PPP1R15A: variants seen among roughly 807,000 people sequenced by gnomAD.
PPP1R15A encodes the protein protein phosphatase 1 regulatory subunit 15A, also known as growth arrest and DNA damage-inducible protein GADD34.
A neutral mutation model predicts 48.5 loss-of-function variants in PPP1R15A; 43 were observed. That is an observed-to-expected ratio of 0.89 (90% CI 0.69 to 1.14). PPP1R15A has a LOEUF of 1.14. PPP1R15A is among the 50% of genes most tolerant of loss of function. The probability of loss-of-function intolerance (pLI) is 0.00; values close to 1 mark genes in which losing one functional copy is unlikely to be tolerated. For missense variants in PPP1R15A, 868 were observed against 847.2 expected (o/e 1.02, Z -0.30); for synonymous variants, 327 against 327.4 (o/e 1.00, Z 0.01).
chr19:48,873,411 C>T lies in PPP1R15A; in HGVS notation c.178C>T (p.Leu60=). Residue 60 remains leucine (L), a synonymous_variant, in exon 2 of 3, where the codon CTG becomes TTG. Transcript: ENST00000200453. ...AGGAGCAGCTCTGGTAGAAGCTGGC[C>T]TGGAGGGAGAAGCTAGGACTCCTCT... is the stretch of plus-strand genomic sequence containing the variant. ...VKGAALVEAG[L]EGEARTPLAI... The T allele has an allele frequency of 6.2e-7, 1 of 1,613,392 alleles. No individual in the cohort carries two copies. The highest frequency in any genetic ancestry group is 8.5e-7 in the Non-Finnish European group (1 of 1,179,670).
In PPP1R15A at chr19:48,873,562, T is replaced by G. The variant is rs1341140423; in HGVS notation, c.329T>G (p.Leu110Arg). 6.2e-7 allele frequency: 1 copy of G among 1,614,146 alleles called. No individual in the cohort carries two copies. Among genetic ancestry groups the G allele is most frequent in the Non-Finnish European group, 8.5e-7 (1 of 1,180,018 alleles). The change falls in exon 2 of 3, where the codon CTT (leucine) becomes CGT (arginine). Residue 110 changes from leucine to arginine, a missense_variant. Leu to Arg is a moderately radical substitution (Grantham distance 102). Coordinates refer to ENST00000200453, the MANE Select transcript of PPP1R15A (RefSeq NM_014330.5). ...TSSSLPEAWG[L>R]LDDDDGMYGE... ...AGTTCCCTTCCTGAAGCCTGGGGAC[T>G]TTTGGATGATGATGATGGCATGTAT...
In PPP1R15A at chr19:48,872,582, G is replaced by T; in HGVS notation, c.-79G>T. ...AACGCGCTGGCCTCCCTAACCGTCC[G>T]GACCTGTGATCGCTTCTGGCAGACC... is the stretch of plus-strand genomic sequence containing the variant. On this transcript the variant is annotated 5_prime_UTR_variant, in exon 1 of 3. Transcript: ENST00000200453. 1 of 442,036 alleles carries T rather than the reference G, an allele frequency of 2.3e-6. No homozygotes were observed. The highest frequency in any genetic ancestry group is 4.6e-6 in the Non-Finnish European group (1 of 216,540). The allele number at this position is 442,036 out of a possible 1,614,324, so 27.4% of individuals were successfully genotyped here.
rs374662559 is a variant in PPP1R15A at position 48,874,086 on chromosome 19, G to A, written c.853G>A (p.Ala285Thr). Residue 285 changes from alanine (A) to threonine (T), a missense_variant, in exon 2 of 3, where the codon GCC (alanine) becomes ACC (threonine). Ala to Thr is a moderately conservative substitution (Grantham distance 58). Transcript: ENST00000200453. ...AHKETGKGEA[A>T]PGPQSSAPAQ... Reference sequence around the variant, plus strand: ...CAAAGAAACTGGGAAAGGAGAAGCTGCCCCAGGGCCGCAATCCTCAGCCCC... The same window carrying A: ...CAAAGAAACTGGGAAAGGAGAAGCTACCCCAGGGCCGCAATCCTCAGCCCC... 3.1e-6 allele frequency: 5 copies of A among 1,614,182 alleles called. No homozygotes were observed. The highest frequency in any genetic ancestry group is 4.2e-6 in the Non-Finnish European group (5 of 1,180,024).
In PPP1R15A at chr19:48,874,904, T is replaced by C. The variant is rs536831168; in HGVS notation, c.1665+6T>C. 3.9e-6 allele frequency: 6 copies of C among 1,528,854 alleles called. No homozygotes were observed. The highest frequency in any genetic ancestry group is 5.2e-6 in the Non-Finnish European group (6 of 1,145,914). 94.7% of individuals were successfully genotyped at this position (1,528,854 alleles called of 1,614,324 possible). On this transcript the variant is annotated splice_donor_region_variant and intron_variant, in intron 2 of 2. Coordinates refer to ENST00000200453, the MANE Select transcript of PPP1R15A (RefSeq NM_014330.5). Reference sequence around the variant, plus strand: ...CTCCCCTAAAGGCCAGAAAGGTAGGTGCTGAGAGCCCAGATTCTATTTTTT... The same window carrying C: ...CTCCCCTAAAGGCCAGAAAGGTAGGCGCTGAGAGCCCAGATTCTATTTTTT...
Position 48,873,401 on chromosome 19 carries a change from A to G in PPP1R15A, c.168A>G (p.Val56=). 6.2e-7 allele frequency: 1 copy of G among 1,613,786 alleles called. No individual in the cohort carries two copies. The highest frequency in any genetic ancestry group is 8.5e-7 in the Non-Finnish European group (1 of 1,179,870). ...LVEAVKGAAL[V]EAGLEGEART... ...AAGCAGTAAAAGGAGCAGCTCTGGT[A>G]GAAGCTGGCCTGGAGGGAGAAGCTA... Residue 56 remains valine, a synonymous_variant, in exon 2 of 3, where the codon GTA becomes GTG. Coordinates refer to ENST00000200453, the MANE Select transcript of PPP1R15A (RefSeq NM_014330.5).
intron 2 of PPP1R15A, chr19:48,875,261 A>G (rs2037067398): frequency 9.0e-6 from 3 of 335,050 alleles, no homozygotes. Context: ...CTTAGAAAGA[A>G]AGGGGGCTGG....
At position 48,874,961 on chromosome 19, in the gene PPP1R15A, TG is replaced by T; in HGVS notation, c.1665+64del. ...TTTTAATTGAGTTGGAGTCTTGGGC[TG>T]TCACCCAGGCTGGAGTGCAGCGGCA... On this transcript the variant is annotated intron_variant, in intron 2 of 2. Coordinates refer to ENST00000200453, the MANE Select transcript of PPP1R15A (RefSeq NM_014330.5). 4.9e-6 allele frequency: 7 copies of T among 1,435,462 alleles called. No homozygotes were observed. In the Middle Eastern group the frequency reaches 1.2e-3, roughly 242 times the overall value. 88.9% of individuals were successfully genotyped at this position (1,435,462 alleles called of 1,614,324 possible). A position where few individuals can be genotyped will look rare whatever the true frequency, so the allele number is the denominator to read the frequency against.
intron 2 of PPP1R15A, chr19:48,875,283 TCTGGGTCC>T (rs1187119904): frequency 1.4e-5 from 5 of 366,562 alleles, no homozygotes; most frequent in Middle Eastern, 7.3e-4. Context: ...GGCCGAGACT[TCTGGGTCC>T]CTGTATGTTG....
At position 48,874,608 on chromosome 19, in the gene PPP1R15A, G is replaced by C; in HGVS notation, c.1375G>C (p.Ala459Pro). Residue 459 changes from alanine to proline, a missense_variant, in exon 2 of 3, where the codon GCA (alanine) becomes CCA (proline). By Grantham distance (27) the Ala-to-Pro change is conservative (BLOSUM62 -1). Transcript: ENST00000200453. Reference protein sequence around the residue: ...DSEDKEDDSEAALGEAESDPH... With the variant: ...DSEDKEDDSEPALGEAESDPH... ...TGAGGATAAGGAAGATGATTCAGAA[G>C]CAGCCTTGGGAGAAGCTGAGTCAGA... 1 of 1,614,214 alleles carries C rather than the reference G, an allele frequency of 6.2e-7. No individual in the cohort carries two copies. Among genetic ancestry groups the C allele is most frequent in the Non-Finnish European group, 8.5e-7 (1 of 1,180,022 alleles).
Position 48,874,786 on chromosome 19 carries a change from C to T in PPP1R15A, c.1553C>T (p.Pro518Leu), listed in dbSNP as rs1263480363. Residue 518 changes from proline to leucine, a missense_variant, in exon 2 of 3, where the codon CCA (proline) becomes CTA (leucine). Pro to Leu is a moderately conservative substitution (Grantham distance 98). Coordinates refer to ENST00000200453, the MANE Select transcript of PPP1R15A (RefSeq NM_014330.5). ...RVAIYVPGEK[P>L]PPPWAPPRLP... The stretch of plus-strand genomic sequence containing the variant: ...GCCATCTATGTACCTGGAGAGAAGC[C>T]ACCGCCTCCCTGGGCTCCTCCTAGG... The T allele has an allele frequency of 6.2e-7, 1 of 1,614,052 alleles. No individual in the cohort carries two copies. The highest frequency in any genetic ancestry group is 8.5e-7 in the Non-Finnish European group (1 of 1,180,018).
chr19:48,875,634 C>G lies in PPP1R15A; in HGVS notation c.1686C>G (p.Val562=), dbSNP rs771676165. ...KARKVRFSEK[V]TVHFLAVWAG... ...CGCAGGTGCGCTTCTCCGAGAAGGTCACTGTCCATTTCCTGGCTGTCTGGG... is the reference window on the plus strand; with the variant it reads ...CGCAGGTGCGCTTCTCCGAGAAGGTGACTGTCCATTTCCTGGCTGTCTGGG... The change falls in exon 3 of 3, where the codon GTC becomes GTG. Residue 562 remains valine (V), a synonymous_variant. Transcript: ENST00000200453. 1.2e-6 allele frequency: 2 copies of G among 1,601,894 alleles called. No individual in the cohort carries two copies. The highest frequency in any genetic ancestry group is 1.7e-6 in the Non-Finnish European group (2 of 1,173,842).
chr19:48,872,438 T>A lies in PPP1R15A; in HGVS notation c.-223T>A, dbSNP rs1015653795. 2.2e-6 allele frequency: 1 copy of A among 456,490 alleles called. No individual in the cohort carries two copies. The highest frequency in any genetic ancestry group is 4.4e-6 in the Non-Finnish European group (1 of 226,804). The allele number at this position is 456,490 out of a possible 1,614,324, so 28.3% of individuals were successfully genotyped here. A position where few individuals can be genotyped will look rare whatever the true frequency, so the allele number is the denominator to read the frequency against. ...TGTTCGTTGCTCTTATCGGTTCCCA[T>A]CCCAGTTGTTGATCTTATGCAAGAC... On this transcript the variant is annotated 5_prime_UTR_variant, in exon 1 of 3. Transcript: ENST00000200453.
chr19:48,873,687 C>A lies in PPP1R15A; in HGVS notation c.454C>A (p.Gln152Lys), dbSNP rs763052879. Residue 152 changes from glutamine to lysine, a missense_variant, in exon 2 of 3, where the codon CAA becomes AAA. Gln to Lys is a moderately conservative substitution (Grantham distance 53, BLOSUM62 1). Transcript: ENST00000200453. ...LSPSLLIRTL[Q>K]GSDKNPGEEK... is the part of the protein sequence containing the mutation. ...TCCCAGCCTTCTGATAAGGACACTG[C>A]AAGGTTCTGATAAGAACCCAGGGGA... is the stretch of plus-strand genomic sequence containing the variant. 6.2e-7 allele frequency: 1 copy of A among 1,614,140 alleles called. No individual in the cohort carries two copies. The highest frequency in any genetic ancestry group is 8.5e-7 in the Non-Finnish European group (1 of 1,180,032).
chr19:48,873,378 G>C lies in PPP1R15A; in HGVS notation c.145G>C (p.Ala49Pro), dbSNP rs772579750. 1 of 1,613,932 alleles carries C rather than the reference G, an allele frequency of 6.2e-7. No individual in the cohort carries two copies. The highest frequency in any genetic ancestry group is 2.2e-5 in the East Asian group (1 of 44,872). Residue 49 changes from alanine to proline, a missense_variant, in exon 2 of 3, where the codon GCA becomes CCA. Physicochemically the swap from Ala to Pro is conservative, Grantham distance 27 (BLOSUM62 -1). Transcript: ENST00000200453. ...LGPLEPWLVE[A>P]VKGAALVEAG... ...ACCTCTAGAGCCCTGGCTGGTGGAAGCAGTAAAAGGAGCAGCTCTGGTAGA... is the reference window on the plus strand; with the variant it reads ...ACCTCTAGAGCCCTGGCTGGTGGAACCAGTAAAAGGAGCAGCTCTGGTAGA...
At position 48,873,391 on chromosome 19, in the gene PPP1R15A, C is replaced by G; in HGVS notation, c.158C>G (p.Ala53Gly). The G allele has an allele frequency of 1.9e-6, 3 of 1,613,732 alleles. No homozygotes were observed. Among genetic ancestry groups the G allele is most frequent in the Non-Finnish European group, 2.5e-6 (3 of 1,179,846 alleles). ...TGGCTGGTGGAAGCAGTAAAAGGAG[C>G]AGCTCTGGTAGAAGCTGGCCTGGAG... is the stretch of plus-strand genomic sequence containing the variant. ...EPWLVEAVKG[A>G]ALVEAGLEGE... Residue 53 changes from alanine to glycine, a missense_variant, in exon 2 of 3, where the codon GCA (alanine) becomes GGA (glycine). Transcript: ENST00000200453.
Position 48,873,462 on chromosome 19 carries a change from A to G in PPP1R15A, c.229A>G (p.Arg77Gly). The G allele has an allele frequency of 2.5e-6, 4 of 1,613,790 alleles. No individual in the cohort carries two copies. The stretch of plus-strand genomic sequence containing the variant: ...GGCAATCCCCCATACCCCTTGGGGC[A>G]GACGCCCTGAAGAGGAGGCTGAAGA... ...PLAIPHTPWGRRPEEEAEDSG... is the reference protein window; with the variant it reads ...PLAIPHTPWGGRPEEEAEDSG... Residue 77 changes from arginine (R) to glycine (G), a missense_variant, in exon 2 of 3, where the codon AGA (arginine) becomes GGA (glycine). Arg to Gly is a moderately radical substitution (Grantham distance 125, BLOSUM62 -2). Coordinates refer to ENST00000200453, the MANE Select transcript of PPP1R15A (RefSeq NM_014330.5).
chr19:48,875,390 A>C, intron 2 of PPP1R15A: 1 of 607,394 alleles, frequency 1.6e-6, no homozygotes, highest in Non-Finnish European at 2.8e-6. Flanking sequence ...GGGAGGAGGG[A>C]GCAGCTGTGG....
rs748297223 is a variant in PPP1R15A at position 48,875,801 on chromosome 19, GC to G, written c.1855del (p.Leu619SerfsTer6). 64 of 1,613,886 alleles carry G rather than the reference GC, an allele frequency of 4.0e-5. No homozygotes were observed. Among genetic ancestry groups the G allele is most frequent in the Middle Eastern group, 1.6e-4 (1 of 6,062 alleles). ...GCTGCCCGGGCCAGAGCCTGGGCAC[GC>G]CTCAGGAACCCACCTTTAGCCCCCA... ...TPAARARAWA[R>X]LRNPPLAPIP... On this transcript the variant is annotated frameshift_variant, in exon 3 of 3. Transcript: ENST00000200453. LOFTEE classifies it low-confidence loss of function (END_TRUNC).
chr19:48,874,175 C>T lies in PPP1R15A; in HGVS notation c.942C>T (p.Val314=). The stretch of plus-strand genomic sequence containing the variant: ...CCAGTGATGAAGAGGAGGGTGAGGT[C>T]AAGGCTTTGGGGGCAGCTGAGAAGG... The part of the protein sequence containing the change: ...CQPSDEEEGE[V]KALGAAEKDG... Residue 314 remains valine, a synonymous_variant, in exon 2 of 3, where the codon GTC becomes GTT. Transcript: ENST00000200453. The T allele has an allele frequency of 6.2e-7, 1 of 1,614,184 alleles. No individual in the cohort carries two copies. Among genetic ancestry groups the T allele is most frequent in the Non-Finnish European group, 8.5e-7 (1 of 1,180,030 alleles).
Sources: gnomAD v4.1 joint callset for allele counts on GRCh38, gnomAD v4.1.1 for gene constraint, MANE v1.5 for transcripts, NCBI Gene and HGNC (gene_info 2026-07-23, HGNC 2026-07-21) for gene names.